The following GALM variants were observed in gnomAD, a reference collection of about 807,000 sequenced individuals.
The protein encoded by GALM is aldose 1-epimerase.
A neutral mutation model predicts 37.4 loss-of-function variants in GALM; 43 were observed. That is an observed-to-expected ratio of 1.15 (90% CI 0.90 to 1.48). The LOEUF is 1.48. GALM is among the 40% of genes most tolerant of loss of function. The pLI, the probability that GALM is intolerant of heterozygous loss-of-function variation, is 0.00. For synonymous variants in GALM, 199 were observed against 170.6 expected (o/e 1.17, Z -1.30); for missense variants, 456 against 419.1 (o/e 1.09, Z -0.77).
At chr2:38,700,501 T>TA (rs71402249) in intron 4 of GALM, among the ~76,000 whole-genome samples, 55,613 of 151,970 alleles carry the variant, frequency 0.37, 11,894 homozygotes, top group Non-Finnish European at 0.47. Context: ...TTCTTTTTTT[T>TA]AATCGTTTTT....
chr2:38,686,464 AC>A (rs1665541787), intron 3 of GALM, among the ~76,000 whole-genome samples: 1 of 151,626 alleles, frequency 6.6e-6, no homozygotes, highest in Admixed American at 6.6e-5. Flanking sequence ...ATGGGGTTTC[AC>A]CGTGTTAGCC....
At chr2:38,677,760 CAGT>C (rs1665293872) in intron 2 of GALM, among the ~76,000 whole-genome samples, 1 of 152,076 alleles carries the variant, frequency 6.6e-6, no homozygotes. Context: ...GCAGGGGGCA[CAGT>C]AGGCCAAGGA....
chr2:38,716,319 G>C (rs552215078), intron 4 of GALM, among the ~76,000 whole-genome samples: 15 of 152,336 alleles, frequency 9.8e-5, no homozygotes, highest in African/African-American at 3.6e-4. Flanking sequence ...CCAGAAGGAG[G>C]CCCTGGTGTA....
At chr2:38,666,402 A>G in intron 1 of GALM, 51 bp downstream of exon 1, 1 of 1,384,674 alleles carries the variant, frequency 7.2e-7, no homozygotes, top group Non-Finnish European at 9.9e-7. Flanking sequence ...CCCACGCTAC[A>G]TACCTCCCGG....
At chr2:38,698,811 G>A (rs1196007117) in intron 4 of GALM, among the ~76,000 whole-genome samples, 1 of 152,180 alleles carries the variant, frequency 6.6e-6, no homozygotes, top group African/African-American at 2.4e-5. Flanking sequence ...GTCTCACTAT[G>A]TTGCCCAGGC....
At chr2:38,680,039 A>G (rs1294020275) in intron 2 of GALM, 2 of 454,980 alleles carry the variant, frequency 4.4e-6, no homozygotes, top group African/African-American at 2.0e-5. Context: ...TTTTGAGACA[A>G]TGTCTTACTC....
At chr2:38,707,967 C>T (rs906024199) in intron 4 of GALM, among the ~76,000 whole-genome samples, 4 of 151,900 alleles carry the variant, frequency 2.6e-5, no homozygotes, top group African/African-American at 7.3e-5. Flanking sequence ...ATTAGCGAGG[C>T]GTGGTAGCAC....
chr2:38,692,902 G>A (rs971858498), intron 4 of GALM, among the ~76,000 whole-genome samples: 1 of 152,184 alleles, frequency 6.6e-6, no homozygotes, highest in Non-Finnish European at 1.5e-5. Context: ...AGCAGGACTA[G>A]CCCAGGGAAG....
intron 4 of GALM, among the ~76,000 whole-genome samples, chr2:38,720,896 A>G (rs1474791130): frequency 1.3e-5 from 2 of 152,232 alleles, no homozygotes; most frequent in Non-Finnish European, 2.9e-5. Flanking sequence ...AGCCTTTTAC[A>G]TAACCTGGCT....
intron 4 of GALM, among the ~76,000 whole-genome samples, chr2:38,696,246 A>G (rs915115282): frequency 3.3e-5 from 5 of 151,806 alleles, no homozygotes; most frequent in African/African-American, 4.8e-5. Context: ...TGGCCTCCCA[A>G]GTAGCTGGGA....
chr2:38,713,946 AATTT>A (rs1464969748), intron 4 of GALM, among the ~76,000 whole-genome samples: 1 of 151,992 alleles, frequency 6.6e-6, no homozygotes, highest in Non-Finnish European at 1.5e-5. Flanking sequence ...GATCTAGGAC[AATTT>A]ATTTGAGTTC....
chr2:38,698,357 C>T (rs141838649), intron 4 of GALM: 2 of 1,302,928 alleles, frequency 1.5e-6, no homozygotes, highest in East Asian at 1.1e-4. Flanking sequence ...CTTTCCTGTC[C>T]CATGGCAGGT....
At chr2:38,726,133 A>C (rs1666480464) in intron 4 of GALM, among the ~76,000 whole-genome samples, 1 of 152,158 alleles carries the variant, frequency 6.6e-6, no homozygotes, top group Non-Finnish European at 1.5e-5. Context: ...ATTCTGCCAG[A>C]ACTGATCAGG....
chr2:38,725,209 G>A (rs1354386956), intron 4 of GALM, among the ~76,000 whole-genome samples: 1 of 152,242 alleles, frequency 6.6e-6, no homozygotes, highest in African/African-American at 2.4e-5. Flanking sequence ...GAGCCCATGA[G>A]AATACCTGCT....
At chr2:38,681,609 G>T in intron 3 of GALM, 123 bp downstream of exon 3, 4 of 773,470 alleles carry the variant, frequency 5.2e-6, no homozygotes, top group Non-Finnish European at 8.8e-6. Context: ...ATGATGAAAA[G>T]GGCCCAGCAG....
At chr2:38,675,646 G>C (rs550896406) in intron 1 of GALM, among the ~76,000 whole-genome samples, 1 of 147,480 alleles carries the variant, frequency 6.8e-6, no homozygotes, top group African/African-American at 2.5e-5. Flanking sequence ...TCGGCTCACT[G>C]CAAGCTCCAC....
intron 4 of GALM, among the ~76,000 whole-genome samples, chr2:38,702,502 A>C (rs971760309): frequency 5.9e-5 from 9 of 151,822 alleles, no homozygotes; most frequent in African/African-American, 2.2e-4. Flanking sequence ...TCTTTGCTAC[A>C]TGACCCTTAC....
At chr2:38,683,492 G>A (rs749395555) in intron 3 of GALM, among the ~76,000 whole-genome samples, 42 of 151,978 alleles carry the variant, frequency 2.8e-4, no homozygotes, top group Non-Finnish European at 5.3e-4. Flanking sequence ...AATCTGGAAT[G>A]CTCCAGTGAC....
chr2:38,708,240 A>G (rs1057295509), intron 4 of GALM, among the ~76,000 whole-genome samples: 3 of 152,008 alleles, frequency 2.0e-5, no homozygotes, highest in African/African-American at 7.2e-5. Context: ...GCTAGGGGCT[A>G]CAGTGAGCTG....
Sources: gnomAD v4.1 joint callset for allele counts (sites outside exome capture counted in the v4.1 genomes callset) on GRCh38, gnomAD v4.1.1 for gene constraint, MANE v1.5 for transcripts, NCBI Gene and HGNC (gene_info 2026-07-23, HGNC 2026-07-21) for gene names.